DNAH11: variants seen among roughly 807,000 people sequenced by gnomAD.
The protein encoded by DNAH11 is axonemal beta dynein heavy chain 11.
Under a neutral mutation model 526.0 loss-of-function variants are expected in DNAH11, and 442 were observed. That is an observed-to-expected ratio of 0.84 (90% CI 0.78 to 0.91). The LOEUF (loss-of-function observed/expected upper bound fraction) is 0.91, where lower values mean the gene tolerates loss of function less well. DNAH11 is among the 40% of genes least tolerant of loss of function. The pLI, the probability that DNAH11 is intolerant of heterozygous loss-of-function variation, is 0.00. For synonymous variants in DNAH11, 2,461 were observed against 1,935.9 expected (o/e 1.27, Z -7.12); for missense variants, 6,989 against 5,448.7 (o/e 1.28, Z -8.90).
chr7:21,553,808 C>G (rs781016751), intron 2 of DNAH11, among the ~76,000 whole-genome samples: 1 of 152,148 alleles, frequency 6.6e-6, no homozygotes, highest in East Asian at 1.9e-4. Context: ...CCATGAGTTT[C>G]ATTTTTATTT....
At chr7:21,851,790 T>G in intron 66 of DNAH11, 1 of 404,032 alleles carries the variant, frequency 2.5e-6, no homozygotes, top group Non-Finnish European at 5.0e-6. Flanking sequence ...TGACCTCCGT[T>G]CTCTGATGTA....
intron 35 of DNAH11, among the ~76,000 whole-genome samples, chr7:21,696,456 T>C (rs1401674870): frequency 6.6e-6 from 1 of 152,216 alleles, no homozygotes; most frequent in African/African-American, 2.4e-5. Context: ...AATTTTATAA[T>C]GTCTAACTTT....
chr7:21,627,533 C>G (rs903361214), intron 25 of DNAH11, among the ~76,000 whole-genome samples: 1 of 152,134 alleles, frequency 6.6e-6, no homozygotes, highest in Non-Finnish European at 1.5e-5. Flanking sequence ...ATTGAAAAGA[C>G]TGTCCTTTCC....
intron 75 of DNAH11, among the ~76,000 whole-genome samples, chr7:21,883,258 G>C (rs138870319): frequency 4.9e-4 from 74 of 152,346 alleles, no homozygotes; most frequent in African/African-American, 1.7e-3. Flanking sequence ...TTGGGAGGCA[G>C]TATACTGCCC....
chr7:21,736,940 A>G (rs1271522999), intron 46 of DNAH11, among the ~76,000 whole-genome samples: 1 of 152,236 alleles, frequency 6.6e-6, no homozygotes, highest in East Asian at 1.9e-4. Context: ...GAAAGACTCT[A>G]TGATTTATAA....
rs758300646 is a variant in DNAH11 at position 21,610,599 on chromosome 7, A to C, written c.3852+3866A>C. Among the ~76,000 whole-genome samples the C allele has an allele frequency of 1.8e-4, 27 of 152,316 alleles. No individual in the cohort carries two copies. The Middle Eastern group carries it at 0.014, about 77-fold the overall frequency. On this transcript the variant is annotated intron_variant, in intron 20 of 81. Transcript: ENST00000409508. ...AAAGTTTCAGATATTAGAAGGAAAT[A>C]AAAGATAATATTGAAAAAAATGAGC... is the stretch of plus-strand genomic sequence containing the variant.
intron 56 of DNAH11, among the ~76,000 whole-genome samples, chr7:21,776,401 A>G (rs932971905): frequency 6.6e-6 from 1 of 152,220 alleles, no homozygotes; most frequent in Non-Finnish European, 1.5e-5. Context: ...TATGTGGAGA[A>G]TTGGAGAACC....
At chr7:21,695,427 A>T (rs562295656) in intron 35 of DNAH11, among the ~76,000 whole-genome samples, 2 of 152,234 alleles carry the variant, frequency 1.3e-5, no homozygotes, top group African/African-American at 4.8e-5. Flanking sequence ...CGGAGGCCTC[A>T]GAAATAATGC....
At chr7:21,597,603 A>G (rs1263707419) in intron 14 of DNAH11, among the ~76,000 whole-genome samples, 2 of 152,130 alleles carry the variant, frequency 1.3e-5, no homozygotes, top group South Asian at 2.1e-4. Context: ...AGAAACACAC[A>G]CTTATCAAAC....
At chr7:21,714,770 T>G (rs1562504950) in intron 42 of DNAH11, among the ~76,000 whole-genome samples, 1 of 151,060 alleles carries the variant, frequency 6.6e-6, no homozygotes, top group Non-Finnish European at 1.5e-5. Flanking sequence ...CTCTCTCTCT[T>G]TCTCTGGCAT....
At chr7:21,784,622 G>A in intron 58 of DNAH11, 82 bp downstream of exon 58, 1 of 989,770 alleles carries the variant, frequency 1.0e-6, no homozygotes, top group Non-Finnish European at 1.4e-6. Context: ...AGCTGAGAGA[G>A]TAGCCCATTA....
At chr7:21,576,143 A>G (rs145257685) in intron 8 of DNAH11, among the ~76,000 whole-genome samples, 1 of 152,062 alleles carries the variant, frequency 6.6e-6, no homozygotes, top group Non-Finnish European at 1.5e-5. Context: ...AGCGATGGAG[A>G]TTGACTCTGA....
chr7:21,893,588 G>A (rs1158389220), intron 77 of DNAH11, among the ~76,000 whole-genome samples: 2 of 152,204 alleles, frequency 1.3e-5, no homozygotes, highest in Non-Finnish European at 2.9e-5. Context: ...TGAGGCTAAG[G>A]ACAGGCAAAG....
chr7:21,880,922 C>G, intron 75 of DNAH11, 29 bp downstream of exon 75: 4 of 1,552,890 alleles, frequency 2.6e-6, no homozygotes, highest in Non-Finnish European at 3.5e-6. Flanking sequence ...ATAACCTCTT[C>G]CAAGGAGTTT....
At chr7:21,639,090 T>C (rs1281310090) in intron 28 of DNAH11, 25 bp downstream of exon 28, 2 of 1,600,178 alleles carry the variant, frequency 1.2e-6, no homozygotes, top group Non-Finnish European at 1.7e-6. Flanking sequence ...GAAAGTCTCG[T>C]ATTATACTGT....
At chr7:21,593,767 C>T (rs759319906) in intron 14 of DNAH11, among the ~76,000 whole-genome samples, 14 of 151,906 alleles carry the variant, frequency 9.2e-5, no homozygotes, top group Non-Finnish European at 1.8e-4. Context: ...AATGAAAGAG[C>T]GTATTTCATG....
At chr7:21,585,957 G>C (rs1413321959) in intron 9 of DNAH11, among the ~76,000 whole-genome samples, 1 of 152,148 alleles carries the variant, frequency 6.6e-6, no homozygotes. Context: ...TCATAAAATA[G>C]CTTTTAGTTT....
intron 30 of DNAH11, among the ~76,000 whole-genome samples, chr7:21,676,661 C>T (rs1481958463): frequency 6.6e-6 from 1 of 152,146 alleles, no homozygotes; most frequent in Non-Finnish European, 1.5e-5. Flanking sequence ...ATGCAGAAAT[C>T]ACAGGTTGTT....
chr7:21,819,892 G>C (rs1789982148), intron 65 of DNAH11, among the ~76,000 whole-genome samples: 1 of 152,156 alleles, frequency 6.6e-6, no homozygotes, highest in Non-Finnish European at 1.5e-5. Flanking sequence ...TGTACTCTCT[G>C]TTAAGCCTTG....
Sources: allele counts gnomAD v4.1 joint callset (sites outside exome capture counted in the v4.1 genomes callset), GRCh38; gene constraint gnomAD v4.1.1; transcripts MANE v1.5; gene names NCBI Gene and HGNC (gene_info 2026-07-23, HGNC 2026-07-21).